NRG3: variants seen among roughly 807,000 people sequenced by gnomAD.
NRG3 encodes the protein neuregulin 3, also known as pro-neuregulin-3, membrane-bound isoform.
In NRG3, 31 loss-of-function variants were observed where a neutral mutation model predicts 66.9. That is an observed-to-expected ratio of 0.46 (90% CI 0.35 to 0.63). The LOEUF (loss-of-function observed/expected upper bound fraction) is 0.63. Ranked by LOEUF, NRG3 falls within the 20% of genes least tolerant of loss-of-function variation. The pLI, the probability that NRG3 is intolerant of heterozygous loss-of-function variation, is 0.00. For missense variants in NRG3, 910 were observed against 878.9 expected (o/e 1.04, Z -0.45); for synonymous variants, 393 against 359.4 (o/e 1.09, Z -1.06).
At chr10:81,930,224 G>A (rs1485810018) in intron 1 of NRG3, among the ~76,000 whole-genome samples, 1 of 152,092 alleles carries the variant, frequency 6.6e-6, no homozygotes, top group Non-Finnish European at 1.5e-5. Flanking sequence ...TAACCATCTG[G>A]AGTTAGTGCA....
chr10:82,316,817 T>C (rs1288202768), intron 1 of NRG3, among the ~76,000 whole-genome samples: 1 of 152,208 alleles, frequency 6.6e-6, no homozygotes, highest in African/African-American at 2.4e-5. Context: ...CAATTTTCTA[T>C]AATTTCAGAA....
At chr10:82,924,051 T>C (rs535356025) in intron 4 of NRG3, among the ~76,000 whole-genome samples, 1 of 133,632 alleles carries the variant, frequency 7.5e-6, no homozygotes, top group Non-Finnish European at 1.5e-5. Context: ...ATCATGCCAG[T>C]GTACTCCAGC....
chr10:82,118,922 G>A (rs938400784), intron 1 of NRG3, among the ~76,000 whole-genome samples: 4 of 152,086 alleles, frequency 2.6e-5, no homozygotes, highest in Admixed American at 6.6e-5. Flanking sequence ...TGGCCTGTCC[G>A]CAGAACATTT....
intron 3 of NRG3, among the ~76,000 whole-genome samples, chr10:82,823,317 T>C (rs1422810930): frequency 6.6e-6 from 1 of 152,166 alleles, no homozygotes; most frequent in African/African-American, 2.4e-5. Context: ...AAGGCAGATG[T>C]TCTAACGATT....
At chr10:82,104,186 A>G (rs945425545) in intron 1 of NRG3, among the ~76,000 whole-genome samples, 15 of 152,168 alleles carry the variant, frequency 9.9e-5, no homozygotes, top group Non-Finnish European at 1.9e-4. Context: ...GATTTTAGCC[A>G]TAATCAGTGA....
chr10:82,125,456 T>A (rs903909598), intron 1 of NRG3, among the ~76,000 whole-genome samples: 1 of 152,036 alleles, frequency 6.6e-6, no homozygotes, highest in African/African-American at 2.4e-5. Context: ...AAATCATGGC[T>A]GTATATATTT....
intron 1 of NRG3, among the ~76,000 whole-genome samples, chr10:82,180,672 A>T (rs567607439): frequency 1.3e-5 from 2 of 151,850 alleles, no homozygotes; most frequent in Non-Finnish European, 2.9e-5. Context: ...TTTTACATGC[A>T]TATTCATCAG....
At chr10:82,362,761 G>A (rs2084270632) in intron 2 of NRG3, among the ~76,000 whole-genome samples, 1 of 151,892 alleles carries the variant, frequency 6.6e-6, no homozygotes. Flanking sequence ...GTGGGACTTA[G>A]TATAGAACAA....
chr10:82,067,233 G>A (rs1206616147), intron 1 of NRG3, among the ~76,000 whole-genome samples: 1 of 152,068 alleles, frequency 6.6e-6, no homozygotes, highest in African/African-American at 2.4e-5. Context: ...ATCAACTATT[G>A]TAATTCATGC....
intron 2 of NRG3, among the ~76,000 whole-genome samples, chr10:82,445,404 A>G (rs1408611788): frequency 6.6e-6 from 1 of 152,214 alleles, no homozygotes; most frequent in Non-Finnish European, 1.5e-5. Flanking sequence ...CAAATAGGAC[A>G]TAGCTTTAAG....
chr10:82,869,515 A>ATTT, intron 4 of NRG3, among the ~76,000 whole-genome samples: 1 of 151,968 alleles, frequency 6.6e-6, no homozygotes, highest in Non-Finnish European at 1.5e-5. Context: ...CCTAAAAATC[A>ATTT]TTTGTGTTCT....
chr10:81,977,668 A>G (rs1352170910), intron 1 of NRG3, among the ~76,000 whole-genome samples: 1 of 152,100 alleles, frequency 6.6e-6, no homozygotes, highest in Non-Finnish European at 1.5e-5. Context: ...CATATAATCT[A>G]TTTTCTAAAT....
chr10:81,878,840 G>GA (rs1329170789), intron 1 of NRG3, among the ~76,000 whole-genome samples: 1 of 152,180 alleles, frequency 6.6e-6, no homozygotes, highest in Non-Finnish European at 1.5e-5. Context: ...CTTATGGAAT[G>GA]AATGTCTTTG....
intron 3 of NRG3, among the ~76,000 whole-genome samples, chr10:82,752,696 TCA>T (rs2058919895): frequency 1.3e-5 from 2 of 152,194 alleles, no homozygotes. Flanking sequence ...GATTAGATCA[TCA>T]GAGTGAAGTC....
At chr10:81,952,829 T>C (rs1430995897) in intron 1 of NRG3, among the ~76,000 whole-genome samples, 2 of 152,070 alleles carry the variant, frequency 1.3e-5, no homozygotes, top group African/African-American at 4.8e-5. Flanking sequence ...CAGGGTGGTC[T>C]AAAACTCCTG....
chr10:82,725,000 G>C (rs1268276035), intron 2 of NRG3, among the ~76,000 whole-genome samples: 1 of 152,122 alleles, frequency 6.6e-6, no homozygotes. Flanking sequence ...TCTGAGAACA[G>C]AGCTTTCCAA....
At chr10:82,069,425 C>T (rs568197656) in intron 1 of NRG3, among the ~76,000 whole-genome samples, 1 of 152,210 alleles carries the variant, frequency 6.6e-6, no homozygotes, top group Non-Finnish European at 1.5e-5. Context: ...GGTGAGGCAC[C>T]GGGCACACAT....
intron 6 of NRG3, among the ~76,000 whole-genome samples, chr10:82,970,604 CT>C (rs1851631998): frequency 6.6e-6 from 1 of 152,018 alleles, no homozygotes; most frequent in South Asian, 2.1e-4. Flanking sequence ...TGATTTCTGC[CT>C]TTATATCTTA....
Position 82,984,918 on chromosome 10 carries a change from A to G in NRG3, c.1584-180A>G. On this transcript the variant is annotated intron_variant, in intron 8 of 8. Coordinates refer to ENST00000372141, the MANE Select transcript of NRG3 (RefSeq NM_001010848.4). ...TTTTCTGTGTGACCTTGGGCAAGTC[A>G]CTTCACCTATCTGAGCTTCAGTTTA... 2.4e-6 allele frequency: 3 copies of G among 1,260,036 alleles called. No homozygotes were observed. In the Admixed American group the frequency reaches 5.1e-5, roughly 22 times the overall value. 78.1% of individuals were successfully genotyped at this position (1,260,036 alleles called of 1,614,324 possible).
Sources: gnomAD v4.1 joint callset for allele counts (sites outside exome capture counted in the v4.1 genomes callset) on GRCh38, gnomAD v4.1.1 for gene constraint, MANE v1.5 for transcripts, NCBI Gene and HGNC (gene_info 2026-07-23, HGNC 2026-07-21) for gene names.